Variants in CCDC171 observed in about 807,000 individuals in gnomAD.
The protein encoded by CCDC171 is coiled-coil domain containing 171.
Under a neutral mutation model 168.2 loss-of-function variants are expected in CCDC171, and 177 were observed. The ratio of observed to expected loss-of-function variants is 1.05; its 90% CI spans 0.93 to 1.19. The LOEUF (loss-of-function observed/expected upper bound fraction) is 1.19, where lower values mean the gene tolerates loss of function less well. Among genes scored for constraint, CCDC171 ranks in the 50% most tolerant of loss-of-function variants. The pLI is 0.00. For synonymous variants in CCDC171, 687 were observed against 540.8 expected, an observed-to-expected ratio of 1.27 and a Z score of -3.75; for missense variants, 1,991 against 1,539.0, an observed-to-expected ratio of 1.29 and a Z score of -4.91.
chr9:15,675,528 G>A (rs1485529062), intron 9 of CCDC171, among the ~76,000 whole-genome samples: 1 of 152,056 alleles, frequency 6.6e-6, no homozygotes, highest in Non-Finnish European at 1.5e-5. Context: ...TCCTTTCCAT[G>A]TTTAGTGCTT....
At chr9:15,865,199 T>G (rs2061723871) in intron 23 of CCDC171, among the ~76,000 whole-genome samples, 1 of 152,010 alleles carries the variant, frequency 6.6e-6, no homozygotes, top group Non-Finnish European at 1.5e-5. Flanking sequence ...ATTTGCTTCT[T>G]CAGAAAAGTT....
intron 3 of CCDC171, among the ~76,000 whole-genome samples, chr9:16,006,403 T>C (rs1307949258): frequency 3.3e-5 from 5 of 152,160 alleles, no homozygotes; most frequent in Non-Finnish European, 7.3e-5. Flanking sequence ...TTTGAAGAAA[T>C]GACTATGCAG....
chr9:16,091,904 C>A, the CCDC171 span, among the ~76,000 whole-genome samples: 1 of 152,212 alleles, frequency 6.6e-6, no homozygotes, highest in South Asian at 2.1e-4. Context: ...AGTGAGTCAT[C>A]ACTTTCTAAA....
In CCDC171 at chr9:15,972,465, G is replaced by A. The variant is rs1243118157; in HGVS notation, c.*629G>A. On this transcript the variant is annotated 3_prime_UTR_variant, in exon 26 of 26. Coordinates refer to ENST00000380701, the MANE Select transcript of CCDC171 (RefSeq NM_173550.4). The stretch of plus-strand genomic sequence containing the variant: ...TGATACCACTTGCCCATTTGAACAA[G>A]TTAAGTTAACTGCTGAATCTGGTCC... 6.6e-6 allele frequency: 1 copy of A among 152,286 alleles called. No individual in the cohort carries two copies. Among genetic ancestry groups the A allele is most frequent in the Non-Finnish European group, 1.5e-5 (1 of 68,126 alleles). The allele number at this position is 152,286 out of a possible 1,614,324, so 9.4% of individuals were successfully genotyped here.
rs375031681 is a variant in CCDC171, at chr9:15,922,177, G to A, written c.3753+1755G>A. ...TAGTGATTCTTCATCTATAGAATGCGAAACATTCCCCCAGGTGATTCTGAT... is the reference window on the plus strand; with the variant it reads ...TAGTGATTCTTCATCTATAGAATGCAAAACATTCCCCCAGGTGATTCTGAT... On this transcript the variant is annotated intron_variant, in intron 25 of 25. Coordinates refer to ENST00000380701, the MANE Select transcript of CCDC171 (RefSeq NM_173550.4). 514 of 406,072 alleles carry A rather than the reference G, an allele frequency of 1.3e-3. 3 individuals carry two copies. The highest frequency in any genetic ancestry group is 9.2e-3 in the African/African-American group (456 of 49,490). The allele number at this position is 406,072 out of a possible 1,614,324, so 25.2% of individuals were successfully genotyped here. A position where few individuals can be genotyped will look rare whatever the true frequency, so the allele number is the denominator to read the frequency against.
chr9:15,690,664 C>G (rs2050717806), intron 10 of CCDC171, among the ~76,000 whole-genome samples: 1 of 152,030 alleles, frequency 6.6e-6, no homozygotes, highest in Non-Finnish European at 1.5e-5. Flanking sequence ...CACACTTGAT[C>G]ACTTGAAAAA....
intron 25 of CCDC171, among the ~76,000 whole-genome samples, chr9:15,948,869 T>G (rs1294875053): frequency 6.6e-6 from 1 of 151,950 alleles, no homozygotes; most frequent in African/African-American, 2.4e-5. Context: ...GCCATTGCTT[T>G]TGGTGTTTTA....
At chr9:15,672,636 G>C (rs2049205206) in intron 9 of CCDC171, among the ~76,000 whole-genome samples, 1 of 152,104 alleles carries the variant, frequency 6.6e-6, no homozygotes, top group Non-Finnish European at 1.5e-5. Flanking sequence ...GTTTTTGTCA[G>C]GTTTGTTGAA....
At chr9:15,742,451 T>C (rs2054944633) in intron 16 of CCDC171, among the ~76,000 whole-genome samples, 1 of 152,254 alleles carries the variant, frequency 6.6e-6, no homozygotes, top group Non-Finnish European at 1.5e-5. Flanking sequence ...CTCATGCTAG[T>C]CTTCCTGCTT....
intron 1 of CCDC171, among the ~76,000 whole-genome samples, chr9:15,559,675 A>AAT (rs1554675768): frequency 1.3e-5 from 2 of 151,986 alleles, no homozygotes; most frequent in African/African-American, 2.4e-5. Flanking sequence ...ATGGGTCTTG[A>AAT]CTGTATCCAA....
intron 11 of CCDC171, among the ~76,000 whole-genome samples, chr9:15,696,059 C>T (rs1170736900): frequency 6.6e-6 from 1 of 152,132 alleles, no homozygotes; most frequent in Non-Finnish European, 1.5e-5. Flanking sequence ...TTTTCTTTTG[C>T]CCTGCTTTCA....
chr9:15,951,625 G>A (rs1173947259), intron 25 of CCDC171, among the ~76,000 whole-genome samples: 1 of 152,060 alleles, frequency 6.6e-6, no homozygotes, highest in East Asian at 1.9e-4. Flanking sequence ...AATGATTAGT[G>A]ATGTTGAGCA....
chr9:15,727,116 G>A (rs1460337504), intron 14 of CCDC171, among the ~76,000 whole-genome samples: 1 of 152,186 alleles, frequency 6.6e-6, no homozygotes, highest in Non-Finnish European at 1.5e-5. Context: ...TTTCTAATTG[G>A]ACATTTTCGA....
At chr9:15,919,880 T>C (rs1449670045) in intron 24 of CCDC171, among the ~76,000 whole-genome samples, 1 of 151,820 alleles carries the variant, frequency 6.6e-6, no homozygotes, top group African/African-American at 2.4e-5. Context: ...CTAACTCAGC[T>C]TATTTTGAAA....
chr9:15,749,511 G>A (rs116904292), intron 18 of CCDC171, among the ~76,000 whole-genome samples: 5,318 of 152,212 alleles, frequency 0.035, 132 homozygotes, highest in Non-Finnish European at 0.053. Flanking sequence ...CAAATCAAAG[G>A]AATAAACATT....
chr9:15,628,087 C>A (rs570534708), intron 7 of CCDC171, among the ~76,000 whole-genome samples: 1 of 152,204 alleles, frequency 6.6e-6, no homozygotes, highest in South Asian at 2.1e-4. Context: ...TCTACAGCTC[C>A]CAGCGTGAGC....
chr9:15,899,806 C>G (rs181795380), intron 24 of CCDC171, among the ~76,000 whole-genome samples: 88 of 152,022 alleles, frequency 5.8e-4, no homozygotes, highest in African/African-American at 2.0e-3. Context: ...GTCATTTACT[C>G]TTTGTGACAG....
At chr9:15,674,585 A>G (rs2049377071) in intron 9 of CCDC171, among the ~76,000 whole-genome samples, 1 of 152,134 alleles carries the variant, frequency 6.6e-6, no homozygotes, top group African/African-American at 2.4e-5. Flanking sequence ...GTCTCAAATA[A>G]CATCTTTATT....
intron 6 of CCDC171, among the ~76,000 whole-genome samples, chr9:16,028,553 T>A (rs1833315590): frequency 6.6e-6 from 1 of 152,214 alleles, no homozygotes; most frequent in Admixed American, 6.5e-5. Flanking sequence ...AAAACTTACT[T>A]GTCATCCTGC....
Sources: allele counts gnomAD v4.1 joint callset (sites outside exome capture counted in the v4.1 genomes callset), GRCh38; gene constraint gnomAD v4.1.1; transcripts MANE v1.5; gene names NCBI Gene and HGNC (gene_info 2026-07-23, HGNC 2026-07-21).